SEMA5A: variants seen among roughly 807,000 people sequenced by gnomAD.
SEMA5A encodes the protein semaphorin 5A, also known as semaphorin-5A.
In SEMA5A, 55 loss-of-function variants were observed where a neutral mutation model predicts 135.5. The ratio of observed to expected loss-of-function variants is 0.41; its 90% CI spans 0.33 to 0.51. The LOEUF (loss-of-function observed/expected upper bound fraction) is 0.51. Ranked by LOEUF, SEMA5A falls within the 20% of genes least tolerant of loss-of-function variation. The probability of loss-of-function intolerance (pLI) is 0.37; values close to 1 mark genes in which losing one functional copy is unlikely to be tolerated. For missense variants in SEMA5A, 1,290 were observed against 1,419.9 expected (o/e 0.91, Z 1.47); for synonymous variants, 580 against 546.5 (o/e 1.06, Z -0.85).
chr5:9,084,580 ATG>A (rs1314676754), intron 16 of SEMA5A, among the ~76,000 whole-genome samples: 1 of 152,204 alleles, frequency 6.6e-6, no homozygotes, highest in African/African-American at 2.4e-5. Context: ...GTCTCCTGCC[ATG>A]TGAGATATGC....
rs1735728172 is a variant in SEMA5A at position 9,037,730 on chromosome 5, C to CA, written c.*5166_*5167insT. 6.6e-6 allele frequency: 1 copy of CA among 152,106 alleles called. No individual in the cohort carries two copies. Among genetic ancestry groups the CA allele is most frequent in the Admixed American group, 6.5e-5 (1 of 15,270 alleles). 9.4% of individuals were successfully genotyped at this position (152,106 alleles called of 1,614,324 possible). A position where few individuals can be genotyped will look rare whatever the true frequency, so the allele number is the denominator to read the frequency against. On this transcript the variant is annotated 3_prime_UTR_variant, in exon 23 of 23. Coordinates refer to ENST00000382496, the MANE Select transcript of SEMA5A (RefSeq NM_003966.3). ...GGTTAACAAGCAAGGATTAAAGCAA[C>CA]TTATTTTCCTTTGCTTTATTAGGTT...
At chr5:9,453,432 G>C (rs1415575552) in intron 1 of SEMA5A, among the ~76,000 whole-genome samples, 1 of 152,066 alleles carries the variant, frequency 6.6e-6, no homozygotes, top group Non-Finnish European at 1.5e-5. Flanking sequence ...TTGGTGATTT[G>C]TCTGTTTAAA....
intron 5 of SEMA5A, among the ~76,000 whole-genome samples, chr5:9,272,286 C>T (rs1225999616): frequency 6.6e-6 from 1 of 152,128 alleles, no homozygotes; most frequent in East Asian, 1.9e-4. Flanking sequence ...ACCACCGCAG[C>T]TCAGCAAGGC....
intron 5 of SEMA5A, among the ~76,000 whole-genome samples, chr5:9,246,520 T>A (rs1160281542): frequency 6.6e-6 from 1 of 152,184 alleles, no homozygotes; most frequent in African/African-American, 2.4e-5. Flanking sequence ...TCAACAGAAA[T>A]GTTTGCTAGC....
chr5:9,338,877 T>C (rs572027623), intron 3 of SEMA5A, among the ~76,000 whole-genome samples: 1 of 152,258 alleles, frequency 6.6e-6, no homozygotes, highest in South Asian at 2.1e-4. Context: ...AATCGCTTTG[T>C]TGATGTGAAT....
At chr5:9,382,716 C>T (rs1235010052) in intron 2 of SEMA5A, among the ~76,000 whole-genome samples, 3 of 152,176 alleles carry the variant, frequency 2.0e-5, no homozygotes, top group Non-Finnish European at 4.4e-5. Context: ...GCATACTCAG[C>T]TCTATGCATG....
intron 5 of SEMA5A, among the ~76,000 whole-genome samples, chr5:9,246,576 T>C (rs1579703104): frequency 6.6e-6 from 1 of 152,218 alleles, no homozygotes; most frequent in Non-Finnish European, 1.5e-5. Context: ...TTTTATCTGA[T>C]GTAACATTTA....
chr5:9,346,715 G>A (rs1753888006), intron 3 of SEMA5A, among the ~76,000 whole-genome samples: 1 of 152,154 alleles, frequency 6.6e-6, no homozygotes, highest in South Asian at 2.1e-4. Context: ...TCCAGCGTGT[G>A]TGCACTCCAT....
intron 3 of SEMA5A, among the ~76,000 whole-genome samples, chr5:9,339,415 C>T (rs1753544966): frequency 6.6e-6 from 1 of 152,072 alleles, no homozygotes; most frequent in Non-Finnish European, 1.5e-5. Flanking sequence ...ACTGGTATCA[C>T]TCATCTTCAC....
chr5:9,474,023 T>C (rs1759577070), intron 1 of SEMA5A, among the ~76,000 whole-genome samples: 1 of 152,142 alleles, frequency 6.6e-6, no homozygotes, highest in Non-Finnish European at 1.5e-5. Context: ...GCATGTAAGA[T>C]ACATCATGGA....
chr5:9,155,102 G>A (rs760518176), intron 11 of SEMA5A, among the ~76,000 whole-genome samples: 8 of 152,156 alleles, frequency 5.3e-5, no homozygotes, highest in Non-Finnish European at 2.9e-5. Flanking sequence ...AGCAGGGCAA[G>A]GAAAATGCAA....
intron 1 of SEMA5A, among the ~76,000 whole-genome samples, chr5:9,471,230 T>A (rs2126754480): frequency 6.6e-6 from 1 of 152,256 alleles, no homozygotes; most frequent in East Asian, 1.9e-4. Context: ...GTCCTGAGGA[T>A]GAACGAGTGA....
rs567365660 is a variant in SEMA5A at position 9,526,792 on chromosome 5, A to T, written c.-175+18792T>A. On this transcript the variant is annotated intron_variant, in intron 1 of 22. Transcript: ENST00000382496. Reference sequence around the variant, plus strand: ...GCCTTAGCACTGTGGGCTTTAGGTGACAACTCAAGAACTGGGAAAGCTACC... The same window carrying T: ...GCCTTAGCACTGTGGGCTTTAGGTGTCAACTCAAGAACTGGGAAAGCTACC... Among the ~76,000 whole-genome samples the T allele has an allele frequency of 1.6e-3, 238 of 152,286 alleles. 1 individual carries two copies. Among genetic ancestry groups the T allele is most frequent in the South Asian group, 5.6e-3 (27 of 4,818 alleles).
intron 16 of SEMA5A, among the ~76,000 whole-genome samples, chr5:9,101,002 T>C (rs1225089262): frequency 6.6e-6 from 1 of 152,216 alleles, no homozygotes; most frequent in African/African-American, 2.4e-5. Flanking sequence ...CAGATGCATC[T>C]AGATATCTGG....
At chr5:9,417,668 T>C (rs1245904086) in intron 2 of SEMA5A, among the ~76,000 whole-genome samples, 3 of 152,210 alleles carry the variant, frequency 2.0e-5, no homozygotes, top group Non-Finnish European at 4.4e-5. Context: ...TGCCTTGTCT[T>C]TATCACCACA....
Position 9,042,526 on chromosome 5 carries a change from T to C in SEMA5A, c.*371A>G. The C allele has an allele frequency of 1.3e-5, 3 of 234,522 alleles. No homozygotes were observed. In the South Asian group the frequency reaches 1.8e-4, roughly 14 times the overall value. 14.5% of individuals were successfully genotyped at this position (234,522 alleles called of 1,614,324 possible). A position where few individuals can be genotyped will look rare whatever the true frequency, so the allele number is the denominator to read the frequency against. On this transcript the variant is annotated 3_prime_UTR_variant, in exon 23 of 23. Coordinates refer to ENST00000382496, the MANE Select transcript of SEMA5A (RefSeq NM_003966.3). ...TCTTTCAGAGAAAGTGCCTATTTTCTTGAATTACAACATCATGAAGATTTA... is the reference window on the plus strand; with the variant it reads ...TCTTTCAGAGAAAGTGCCTATTTTCCTGAATTACAACATCATGAAGATTTA...
At chr5:9,052,353 TCAG>T (rs1216521533) in intron 19 of SEMA5A, among the ~76,000 whole-genome samples, 1 of 152,178 alleles carries the variant, frequency 6.6e-6, no homozygotes, top group Non-Finnish European at 1.5e-5. Context: ...GTGCAGACCA[TCAG>T]CAGCAGCGGT....
At chr5:9,251,097 T>A (rs952961540) in intron 5 of SEMA5A, among the ~76,000 whole-genome samples, 7 of 151,870 alleles carry the variant, frequency 4.6e-5, no homozygotes, top group Non-Finnish European at 7.4e-5. Context: ...ATAACTGGAG[T>A]GGGTTTCTGA....
At chr5:9,206,908 T>C (rs898652746) in intron 8 of SEMA5A, among the ~76,000 whole-genome samples, 1 of 150,104 alleles carries the variant, frequency 6.7e-6, no homozygotes, top group Non-Finnish European at 1.5e-5. Context: ...GGCTGATACA[T>C]AGCAGGATGC....
Sources: allele counts gnomAD v4.1 joint callset (sites outside exome capture counted in the v4.1 genomes callset), GRCh38; gene constraint gnomAD v4.1.1; transcripts MANE v1.5; gene names NCBI Gene and HGNC (gene_info 2026-07-23, HGNC 2026-07-21).